Variants in TCF20 observed in about 807,000 individuals in gnomAD.
TCF20 encodes transcription factor 20.
Under a neutral mutation model 148.6 loss-of-function variants are expected in TCF20, and 3 were observed. That is an observed-to-expected ratio of 0.02 (90% CI 0.01 to 0.05). The LOEUF is 0.05. TCF20 is among the 10% of genes least tolerant of loss of function. The pLI, the probability that TCF20 is intolerant of heterozygous loss-of-function variation, is 1.00. For missense variants in TCF20, 2,350 were observed against 2,429.3 expected (o/e 0.97, Z 0.69); for synonymous variants, 1,049 against 909.5 (o/e 1.15, Z -2.76).
rs1928147574 is a variant in TCF20 at position 42,340,649 on chromosome 22, G to C, written c.-37+2830C>G. Reference sequence around the variant, plus strand: ...GGCCCACCCCACTCCACCCCACCCTGAGAGCACAACCATGCCCATTCCTGG... The same window carrying C: ...GGCCCACCCCACTCCACCCCACCCTCAGAGCACAACCATGCCCATTCCTGG... On this transcript the variant is annotated intron_variant, in intron 1 of 1. Coordinates refer to the TCF20 transcript ENST00000515426. Among the ~76,000 whole-genome samples the C allele has an allele frequency of 2.0e-5, 3 of 152,208 alleles. No individual in the cohort carries two copies. The South Asian group carries it at 6.2e-4, about 32-fold the overall frequency.
intron 1 of TCF20, among the ~76,000 whole-genome samples, chr22:42,300,292 C>T (rs1927313682): frequency 2.0e-5 from 3 of 151,846 alleles, no homozygotes; most frequent in South Asian, 4.2e-4. Flanking sequence ...CTACTCCTGC[C>T]GGTGAGAGCT....
intron 2 of TCF20, among the ~76,000 whole-genome samples, chr22:42,192,216 T>C (rs997826116): frequency 2.0e-5 from 3 of 152,162 alleles, no homozygotes; most frequent in African/African-American, 7.2e-5. Flanking sequence ...GCACCCATAC[T>C]GAAATGTTTA....
intron 3 of TCF20, among the ~76,000 whole-genome samples, chr22:42,174,863 G>T (rs1040240043): frequency 6.6e-6 from 1 of 151,976 alleles, no homozygotes; most frequent in African/African-American, 2.4e-5. Flanking sequence ...GTGAAACCCC[G>T]TCTCTACTAA....
At chr22:42,337,255 T>C (rs1280907703) in intron 1 of TCF20, among the ~76,000 whole-genome samples, 1 of 150,738 alleles carries the variant, frequency 6.6e-6, no homozygotes, top group African/African-American at 2.4e-5. Flanking sequence ...GCCACTCCTC[T>C]CCCCCTTATC....
At chr22:42,247,251 T>C (rs1423075653) in intron 1 of TCF20, among the ~76,000 whole-genome samples, 11 of 151,266 alleles carry the variant, frequency 7.3e-5, no homozygotes, top group African/African-American at 2.7e-4. Flanking sequence ...ACCAGCCTGG[T>C]CAACATGGTG....
intron 1 of TCF20, among the ~76,000 whole-genome samples, chr22:42,342,248 G>A (rs1928180675): frequency 6.6e-6 from 1 of 152,170 alleles, no homozygotes; most frequent in South Asian, 2.1e-4. Flanking sequence ...TGGGGAGGAG[G>A]GGCCGGTACG....
Position 42,297,279 on chromosome 22 carries a change from G to T in TCF20, c.-37+46200C>A, listed in dbSNP as rs1287047626. ...GGCTGAAAAAAGAAAAACAGGTGAG[G>T]AGCTACTTCCTGTCCCCTGCCAGGC... is the stretch of plus-strand genomic sequence containing the variant. On this transcript the variant is annotated intron_variant, in intron 1 of 1. Coordinates refer to the TCF20 transcript ENST00000515426. This position sits in a 1 kb window ranked among gnomAD's most constrained non-coding sequence, Gnocchi z 4.3. 6.6e-6 allele frequency among the ~76,000 whole-genome samples: 1 copy of T among 152,202 alleles called. No individual in the cohort carries two copies. Among genetic ancestry groups the T allele is most frequent in the Non-Finnish European group, 1.5e-5 (1 of 68,036 alleles).
chr22:42,175,045 A>C (rs1490248930), intron 3 of TCF20, among the ~76,000 whole-genome samples: 3 of 152,002 alleles, frequency 2.0e-5, no homozygotes, highest in Non-Finnish European at 2.9e-5. Context: ...AAAAAACAAA[A>C]AAAAAAAGCC....
intron 5 of TCF20, among the ~76,000 whole-genome samples, chr22:42,163,045 G>A (rs79724799): frequency 0.04 from 6,022 of 152,296 alleles, 176 homozygotes; most frequent in Non-Finnish European, 0.063. Flanking sequence ...CAGGATGCCC[G>A]TGTGAATCAA....
rs1482559189 is a variant in TCF20, at chr22:42,161,257, C to T, written c.*146G>A. On this transcript the variant is annotated 3_prime_UTR_variant, in exon 6 of 6. Coordinates refer to ENST00000677622, the MANE Select transcript of TCF20 (RefSeq NM_001378418.1). ...AAGGAAGTGCTGGCATGGGCAGGCACGCGGGCGGGGCGGGGCGGGGCAGGG... is the reference window on the plus strand; with the variant it reads ...AAGGAAGTGCTGGCATGGGCAGGCATGCGGGCGGGGCGGGGCGGGGCAGGG... 12 of 1,456,874 alleles carry T rather than the reference C, an allele frequency of 8.2e-6. No homozygotes were observed. The highest frequency in any genetic ancestry group is 2.3e-5 in the South Asian group (2 of 87,254). 90.2% of individuals were successfully genotyped at this position (1,456,874 alleles called of 1,614,324 possible).
chr22:42,257,171 T>C (rs1293055749), intron 1 of TCF20, among the ~76,000 whole-genome samples: 1 of 152,118 alleles, frequency 6.6e-6, no homozygotes, highest in Admixed American at 6.6e-5. Context: ...AAAATTAAAA[T>C]AAAACCCTCC....
chr22:42,286,168 G>T (rs932566901), upstream of TCF20, among the ~76,000 whole-genome samples: 1 of 152,168 alleles, frequency 6.6e-6, no homozygotes, highest in Non-Finnish European at 1.5e-5. Flanking sequence ...GCAGACCCTC[G>T]AAAGACCTCA....
intron 5 of TCF20, among the ~76,000 whole-genome samples, chr22:42,166,837 G>T (rs1161591746): frequency 1.3e-5 from 2 of 152,156 alleles, no homozygotes; most frequent in Non-Finnish European, 2.9e-5. Context: ...TACGCATCGT[G>T]GTCCCCTACA....
chr22:42,175,319 C>A (rs1936386261), intron 3 of TCF20, among the ~76,000 whole-genome samples: 1 of 152,106 alleles, frequency 6.6e-6, no homozygotes, highest in Non-Finnish European at 1.5e-5. Context: ...GTGTGAACCA[C>A]CATACCTAGT....
At chr22:42,272,212 T>G (rs1225894433), upstream of TCF20, among the ~76,000 whole-genome samples, 1 of 152,248 alleles carries the variant, frequency 6.6e-6, no homozygotes, top group African/African-American at 2.4e-5. Context: ...TGAGTTTCAT[T>G]TTCAAATTCT....
chr22:42,222,352 C>T lies in TCF20; in HGVS notation c.-36-7011G>A, dbSNP rs978957096. ...ACCATGCTACCTCATCATGACACTA[C>T]TCTCCTTCCTGTATTTGTCCTTTCC... On this transcript the variant is annotated intron_variant, in intron 1 of 5. Transcript: ENST00000677622. Among the ~76,000 whole-genome samples the T allele has an allele frequency of 4.7e-4, 71 of 152,140 alleles. 1 individual carries two copies. The highest frequency in any genetic ancestry group is 1.5e-3 in the African/African-American group (64 of 41,424).
chr22:42,285,397 G>A (rs1927009466), upstream of TCF20, among the ~76,000 whole-genome samples: 1 of 151,978 alleles, frequency 6.6e-6, no homozygotes, highest in African/African-American at 2.4e-5. The surrounding 1 kb of genome is among the most constrained non-coding windows in gnomAD (Gnocchi z 4.2). Context: ...CCTAATCCTG[G>A]AGCTAGTATT....
chr22:42,171,720 G>A (rs1169027236), intron 3 of TCF20, among the ~76,000 whole-genome samples: 3 of 152,230 alleles, frequency 2.0e-5, no homozygotes, highest in Admixed American at 2.0e-4. Context: ...CCAGACAACT[G>A]GAGCTCAGGG....
intron 3 of TCF20, among the ~76,000 whole-genome samples, chr22:42,174,151 G>C (rs1190950828): frequency 6.6e-6 from 1 of 152,082 alleles, no homozygotes. Context: ...GCCTGAACTT[G>C]GGTTGAGGAG....
Sources: gnomAD v4.1 joint callset for allele counts (sites outside exome capture counted in the v4.1 genomes callset) on GRCh38, gnomAD v4.1.1 for gene constraint, Gnocchi (gnomAD v3.1) non-coding constraint, MANE v1.5 for transcripts, NCBI Gene and HGNC (gene_info 2026-07-23, HGNC 2026-07-21) for gene names.